PCDHGB7: variants seen among roughly 807,000 people sequenced by gnomAD.
PCDHGB7 encodes the protein protocadherin gamma subfamily B, 7.
In PCDHGB7, 37 loss-of-function variants were observed where a neutral mutation model predicts 61.4. The ratio of observed to expected loss-of-function variants is 0.60; its 90% confidence interval spans 0.46 to 0.79. The LOEUF (loss-of-function observed/expected upper bound fraction) is 0.79. PCDHGB7 is among the 30% of genes least tolerant of loss of function. The probability of loss-of-function intolerance (pLI) is 0.00; values close to 1 mark genes in which losing one functional copy is unlikely to be tolerated. For synonymous variants in PCDHGB7, 464 were observed against 503.5 expected, an observed-to-expected ratio of 0.92 and a Z score of 1.05; for missense variants, 1,166 against 1,202.5, an observed-to-expected ratio of 0.97 and a Z score of 0.45.
In PCDHGB7 at chr5:141,431,457, T is replaced by C; in HGVS notation, c.2415+11183T>C. ...ACCGCGCGCATCCGCGTGATGGTTC[T>C]GGATGCGAACGACAACGCACCAGCG... On this transcript the variant is annotated intron_variant, in intron 1 of 3. Transcript: ENST00000398594. This position sits in a 1 kb window ranked among gnomAD's most constrained non-coding sequence, Gnocchi z 4.8. 6.2e-7 allele frequency: 1 copy of C among 1,613,818 alleles called. No homozygotes were observed. Among genetic ancestry groups the C allele is most frequent in the South Asian group, 1.1e-5 (1 of 91,088 alleles).
rs994740663 is a variant in PCDHGB7, at chr5:141,477,022, G to T, written c.2416-17785G>T. ...TATTCGCCTTAGACCTTGTAACCGG[G>T]ATGCTGACAATCAAGGGTCGGCTGG... On this transcript the variant is annotated intron_variant, in intron 1 of 3. Transcript: ENST00000398594. The surrounding 1 kb of genome is among the most constrained non-coding windows in gnomAD (Gnocchi z 4.9). 6.2e-7 allele frequency: 1 copy of T among 1,614,240 alleles called. No homozygotes were observed. Among genetic ancestry groups the T allele is most frequent in the African/African-American group, 1.3e-5 (1 of 75,074 alleles).
intron 1 of PCDHGB7, among the ~76,000 whole-genome samples, chr5:141,453,061 T>G (rs1351911724): frequency 6.6e-6 from 1 of 152,102 alleles, no homozygotes; most frequent in Non-Finnish European, 1.5e-5. Context: ...AGTTTTAGAG[T>G]TTTGCCACAC....
intron 1 of PCDHGB7, among the ~76,000 whole-genome samples, chr5:141,455,146 A>G (rs2098814943): frequency 6.7e-6 from 1 of 149,242 alleles, no homozygotes; most frequent in South Asian, 2.1e-4. Flanking sequence ...TGTTAAATAA[A>G]TATTAGTTTG....
intron 1 of PCDHGB7, among the ~76,000 whole-genome samples, chr5:141,465,319 T>A (rs184635197): frequency 4.6e-5 from 7 of 152,324 alleles, no homozygotes; most frequent in Admixed American, 1.3e-4. Flanking sequence ...GCCATGTCAA[T>A]GCAGTATTTT....
Position 141,477,650 on chromosome 5 carries a change from A to C in PCDHGB7, c.2416-17157A>C. The C allele has an allele frequency of 6.2e-7, 1 of 1,614,210 alleles. No homozygotes were observed. Among genetic ancestry groups the C allele is most frequent in the Non-Finnish European group, 8.5e-7 (1 of 1,180,036 alleles). On this transcript the variant is annotated intron_variant, in intron 1 of 3. Coordinates refer to ENST00000398594, the MANE Select transcript of PCDHGB7 (RefSeq NM_018927.4). The surrounding 1 kb of genome is among the most constrained non-coding windows in gnomAD (Gnocchi z 4.9). The stretch of plus-strand genomic sequence containing the variant: ...CGGGCTAGTGGGTCGCTATTTCACA[A>C]TAAATCGTGACAATGGCATAGTGTC...
In PCDHGB7 at chr5:141,422,020, G is replaced by T. The variant is rs374562798; in HGVS notation, c.2415+1746G>T. The T allele has an allele frequency of 1.3e-5, 21 of 1,610,932 alleles. No individual in the cohort carries two copies. The East Asian group carries it at 3.8e-4, about 29-fold the overall frequency. On this transcript the variant is annotated intron_variant, in intron 1 of 3. Transcript: ENST00000398594. ...CAGCTCCGGAACTCGGGTGCTGATG[G>T]TTAATGCAACGGATCCAGACGAGGG...
rs1289333371 is a variant in PCDHGB7, at chr5:141,460,404, G to C, written c.2416-34403G>C. Among the ~76,000 whole-genome samples, 21 of 152,038 alleles carry C rather than the reference G, an allele frequency of 1.4e-4. 1 individual carries two copies. The highest frequency in any genetic ancestry group is 1.4e-3 in the Admixed American group (21 of 15,256). Reference sequence around the variant, plus strand: ...TATAATTTGGTCTATGAATCCTTTTGAGTTGATGTTTATGTATGGTGTATG... The same window carrying C: ...TATAATTTGGTCTATGAATCCTTTTCAGTTGATGTTTATGTATGGTGTATG... On this transcript the variant is annotated intron_variant, in intron 1 of 3. Transcript: ENST00000398594.
intron 2 of PCDHGB7, among the ~76,000 whole-genome samples, chr5:141,496,748 C>T (rs1382244657): frequency 6.6e-6 from 1 of 152,130 alleles, no homozygotes; most frequent in African/African-American, 2.4e-5. Flanking sequence ...ATTTATTCAA[C>T]AAATATTTAT....
In PCDHGB7 at chr5:141,433,177, A is replaced by T; in HGVS notation, c.2415+12903A>T. 1.9e-6 allele frequency: 3 copies of T among 1,608,174 alleles called. No homozygotes were observed. The Middle Eastern group carries it at 5.0e-4, about 267-fold the overall frequency. Reference sequence around the variant, plus strand: ...TATTTTCTAAAGACAGTCATGGGTTAATTGAGGTGAGTTTATATCAAATCT... The same window carrying T: ...TATTTTCTAAAGACAGTCATGGGTTTATTGAGGTGAGTTTATATCAAATCT... On this transcript the variant is annotated intron_variant, in intron 1 of 3. Coordinates refer to ENST00000398594, the MANE Select transcript of PCDHGB7 (RefSeq NM_018927.4).
chr5:141,437,252 CTT>C (rs1030396727), intron 1 of PCDHGB7, among the ~76,000 whole-genome samples: 3 of 152,268 alleles, frequency 2.0e-5, no homozygotes, highest in Admixed American at 6.5e-5. Context: ...CTTTCCTTGT[CTT>C]TTTATGTGTA....
chr5:141,423,082 G>A (rs1390567548), intron 1 of PCDHGB7: 3 of 1,614,078 alleles, frequency 1.9e-6, no homozygotes, highest in Admixed American at 1.7e-5. Flanking sequence ...GGGACTCTTC[G>A]CGGTGGGGGA....
chr5:141,454,998 G>C (rs909142112), intron 1 of PCDHGB7, among the ~76,000 whole-genome samples: 27 of 151,220 alleles, frequency 1.8e-4, no homozygotes, highest in African/African-American at 5.8e-4. Context: ...ATTTTTAGTA[G>C]AGACGGGGTT....
chr5:141,478,678 C>T (rs3805695), intron 1 of PCDHGB7: 273,671 of 1,551,084 alleles, frequency 0.18, 26,385 homozygotes, highest in African/African-American at 0.39. Context: ...TTCAACTGGC[C>T]CTTCCTAGAT....
In PCDHGB7 at chr5:141,431,675, G is replaced by A. The variant is rs778040824; in HGVS notation, c.2415+11401G>A. Reference sequence around the variant, plus strand: ...TTCAGGGACAATATCAACAATAGGGGAGTTGGACCACGAGGAGTCAGGATT... The same window carrying A: ...TTCAGGGACAATATCAACAATAGGGAAGTTGGACCACGAGGAGTCAGGATT... On this transcript the variant is annotated intron_variant, in intron 1 of 3. Coordinates refer to ENST00000398594, the MANE Select transcript of PCDHGB7 (RefSeq NM_018927.4). The surrounding 1 kb of genome is among the most constrained non-coding windows in gnomAD (Gnocchi z 4.8). 5.6e-6 allele frequency: 9 copies of A among 1,614,230 alleles called. No homozygotes were observed. Among genetic ancestry groups the A allele is most frequent in the Admixed American group, 1.7e-5 (1 of 60,028 alleles).
At position 141,432,065 on chromosome 5, in the gene PCDHGB7, AC is replaced by A; in HGVS notation, c.2415+11792del. 1.2e-6 allele frequency: 2 copies of A among 1,614,048 alleles called. No homozygotes were observed. The highest frequency in any genetic ancestry group is 1.7e-6 in the Non-Finnish European group (2 of 1,180,006). On this transcript the variant is annotated intron_variant, in intron 1 of 3. Transcript: ENST00000398594. The surrounding 1 kb of genome is among the most constrained non-coding windows in gnomAD (Gnocchi z 6.0). ...GGGAACCCCGCCCCTATCCACGGAA[AC>A]TCATATCTCGCTGAACGTGGCAGAC...
chr5:141,434,010 T>C (rs772136259), intron 1 of PCDHGB7, among the ~76,000 whole-genome samples: 26 of 152,224 alleles, frequency 1.7e-4, no homozygotes, highest in Non-Finnish European at 3.1e-4. Flanking sequence ...TATATGTTTG[T>C]TTCTATGATT....
Position 141,485,597 on chromosome 5 carries a change from A to G in PCDHGB7, c.2416-9210A>G. On this transcript the variant is annotated intron_variant, in intron 1 of 3. Coordinates refer to ENST00000398594, the MANE Select transcript of PCDHGB7 (RefSeq NM_018927.4). This position sits in a 1 kb window ranked among gnomAD's most constrained non-coding sequence, Gnocchi z 5.7. ...TCCGCGGCAGCAGCTGGACTTGGAA[A>G]TTGGGGAGGCAGCTCCTCCAGGACA... The G allele has an allele frequency of 6.2e-7, 1 of 1,612,468 alleles. No homozygotes were observed. The highest frequency in any genetic ancestry group is 8.5e-7 in the Non-Finnish European group (1 of 1,178,718).
chr5:141,418,945 A>G lies in PCDHGB7; in HGVS notation c.1086A>G (p.Pro362=). The G allele has an allele frequency of 1.9e-6, 3 of 1,614,062 alleles. No homozygotes were observed. The highest frequency in any genetic ancestry group is 2.5e-6 in the Non-Finnish European group (3 of 1,179,892). The change falls in exon 1 of 4, where the codon CCA becomes CCG. Residue 362 remains proline, a synonymous_variant. Coordinates refer to ENST00000398594, the MANE Select transcript of PCDHGB7 (RefSeq NM_018927.4). ...ATCAGATTATGGAGGATTCCCCTCCAGGAGTGGTTGTTGCCCTCTTCAAAA... is the reference window on the plus strand; with the variant it reads ...ATCAGATTATGGAGGATTCCCCTCCGGGAGTGGTTGTTGCCCTCTTCAAAA... ...LSDQIMEDSP[P]GVVVALFKTR...
At chr5:141,472,620 A>G (rs2099290656) in intron 1 of PCDHGB7, among the ~76,000 whole-genome samples, 1 of 152,136 alleles carries the variant, frequency 6.6e-6, no homozygotes, top group Admixed American at 6.5e-5. Context: ...AGAAGAAAAA[A>G]GATAAAGACT....
Sources: gnomAD v4.1 joint callset for allele counts (sites outside exome capture counted in the v4.1 genomes callset) on GRCh38, gnomAD v4.1.1 for gene constraint, Gnocchi (gnomAD v3.1) non-coding constraint, MANE v1.5 for transcripts, NCBI Gene and HGNC (gene_info 2026-07-23, HGNC 2026-07-21) for gene names.